PPME1: variants seen among roughly 807,000 people sequenced by gnomAD.
The protein encoded by PPME1 is protein phosphatase methylesterase 1.
PPME1 carries 17 observed loss-of-function variants against 56.9 expected under a neutral mutation model. The observed-to-expected ratio is 0.30, with a 90% CI of 0.20 to 0.45. The LOEUF is 0.45. PPME1 is among the 20% of genes least tolerant of loss of function. PPME1 has a pLI of 1.00. For missense variants in PPME1, 357 were observed against 483.2 expected, an observed-to-expected ratio of 0.74 and a Z score of 2.45; for synonymous variants, 122 against 156.2, an observed-to-expected ratio of 0.78 and a Z score of 1.63.
intron 9 of PPME1, among the ~76,000 whole-genome samples, chr11:74,239,655 C>T (rs765100985): frequency 7.3e-5 from 11 of 150,838 alleles, no homozygotes; most frequent in Non-Finnish European, 1.6e-4. Context: ...CGGCTCACTG[C>T]AAGCTCCGCC....
At chr11:74,242,627 T>C (rs1565395442) in intron 9 of PPME1, among the ~76,000 whole-genome samples, 1 of 152,098 alleles carries the variant, frequency 6.6e-6, no homozygotes, top group African/African-American at 2.4e-5. Context: ...ATGTCTGTAA[T>C]CTCAGCGCTT....
chr11:74,181,969 C>T (rs982528050), intron 1 of PPME1, among the ~76,000 whole-genome samples: 2 of 152,224 alleles, frequency 1.3e-5, no homozygotes, highest in Admixed American at 6.5e-5. Context: ...AGTCTCTCTT[C>T]TCCCCCTGCC....
At chr11:74,238,998 A>G (rs1055732255) in intron 8 of PPME1, 135 bp from the exon 9 acceptor site, 8 of 898,818 alleles carry the variant, frequency 8.9e-6, no homozygotes, top group Middle Eastern at 3.5e-4. Flanking sequence ...GAAATGCACA[A>G]TTCTATCCTC....
intron 3 of PPME1, among the ~76,000 whole-genome samples, chr11:74,219,025 A>G (rs576599617): frequency 6.6e-6 from 1 of 152,304 alleles, no homozygotes; most frequent in African/African-American, 2.4e-5. Context: ...AAGGAGCTCA[A>G]CAACTCTATA....
rs1227858083 is a variant in PPME1 at position 74,197,061 on chromosome 11, T to C, written c.102-6667T>C. ...TCAAATGCCTCTGACAAATTGACTATAAATACTAGTTTATTTCTGGACTTT... is the reference window on the plus strand; with the variant it reads ...TCAAATGCCTCTGACAAATTGACTACAAATACTAGTTTATTTCTGGACTTT... On this transcript the variant is annotated intron_variant, in intron 1 of 13. Transcript: ENST00000328257. Among the ~76,000 whole-genome samples the C allele has an allele frequency of 2.0e-5, 3 of 152,360 alleles. No homozygotes were observed. In the East Asian group the frequency reaches 5.8e-4, roughly 29 times the overall value.
intron 1 of PPME1, among the ~76,000 whole-genome samples, chr11:74,183,125 C>T (rs1352994824): frequency 6.6e-6 from 1 of 151,668 alleles, no homozygotes; most frequent in Non-Finnish European, 1.5e-5. Context: ...AGTGAGACCA[C>T]ATCGCTACAA....
intron 3 of PPME1, among the ~76,000 whole-genome samples, chr11:74,216,715 T>C (rs1264383008): frequency 2.6e-5 from 4 of 151,934 alleles, no homozygotes; most frequent in Non-Finnish European, 4.4e-5. Flanking sequence ...TTTTGAAACA[T>C]GAAATTGGCA....
intron 1 of PPME1, among the ~76,000 whole-genome samples, chr11:74,189,129 C>T (rs937453876): frequency 6.6e-6 from 1 of 152,172 alleles, no homozygotes; most frequent in African/African-American, 2.4e-5. Context: ...TTGGCTCACA[C>T]CTGTAATTCC....
At chr11:74,202,536 A>T (rs1399461932) in intron 1 of PPME1, among the ~76,000 whole-genome samples, 1 of 152,204 alleles carries the variant, frequency 6.6e-6, no homozygotes, top group Non-Finnish European at 1.5e-5. Flanking sequence ...CATACTTTGT[A>T]GATATTCTCC....
intron 4 of PPME1, among the ~76,000 whole-genome samples, chr11:74,224,654 C>A (rs1422127687): frequency 7.0e-6 from 1 of 142,584 alleles, no homozygotes; most frequent in African/African-American, 2.8e-5. Flanking sequence ...TGAAGAGGTC[C>A]TTCACATCCC....
intron 1 of PPME1, among the ~76,000 whole-genome samples, chr11:74,177,106 G>C (rs1264641671): frequency 6.6e-6 from 1 of 151,842 alleles, no homozygotes; most frequent in African/African-American, 2.4e-5. Flanking sequence ...CTATCTAGTT[G>C]TTTTCATCAT....
At position 74,204,415 on chromosome 11, in the gene PPME1, T is replaced by A. The variant is rs1314903344; in HGVS notation, c.258T>A (p.Gly86=). The change falls in exon 3 of 14, where the codon GGT becomes GGA. Residue 86 remains glycine (G), a synonymous_variant. Transcript: ENST00000328257. ...GPVLLLLHGG[G]HSALSWAVFT... The stretch of plus-strand genomic sequence containing the variant: ...TCCTGCTCCTTCTGCATGGAGGAGG[T>A]CATTCTGCCCTTTCTTGGGCTGTGT... The A allele has an allele frequency of 6.8e-6, 11 of 1,613,308 alleles. No homozygotes were observed. The highest frequency in any genetic ancestry group is 9.3e-6 in the Non-Finnish European group (11 of 1,179,476).
intron 1 of PPME1, among the ~76,000 whole-genome samples, chr11:74,201,978 T>C (rs886372070): frequency 6.6e-6 from 1 of 152,236 alleles, no homozygotes; most frequent in African/African-American, 2.4e-5. Flanking sequence ...AGGTCGAGGC[T>C]GAAGTTGCTG....
At chr11:74,206,814 C>T (rs77316965) in intron 3 of PPME1, among the ~76,000 whole-genome samples, 5,587 of 151,388 alleles carry the variant, frequency 0.037, 211 homozygotes, top group African/African-American at 0.1. Context: ...CAGTCTTCCT[C>T]CCTCAGCCTT....
chr11:74,239,070 ATC>A, intron 8 of PPME1, 61 bp from the exon 9 acceptor site: 3 of 1,477,912 alleles, frequency 2.0e-6, no homozygotes, highest in Non-Finnish European at 2.8e-6. Context: ...AAGTATGAGT[ATC>A]TCTGAGATAA....
chr11:74,237,042 T>C (rs1003923384), intron 8 of PPME1, among the ~76,000 whole-genome samples: 1 of 149,608 alleles, frequency 6.7e-6, no homozygotes, highest in Non-Finnish European at 1.5e-5. Context: ...CTCTTTTTTT[T>C]GATTCCTTGC....
At chr11:74,248,483 A>T (rs1156889610) in intron 11 of PPME1, 2 of 152,154 alleles carry the variant, frequency 1.3e-5, no homozygotes, top group Non-Finnish European at 2.9e-5. Context: ...TTCTCTCATA[A>T]TAGTTGTTCA....
chr11:74,238,348 T>C (rs1859250704), intron 8 of PPME1: 1 of 152,190 alleles, frequency 6.6e-6, no homozygotes, highest in African/African-American at 2.4e-5. Flanking sequence ...CTTTTGAATT[T>C]ATCCCAGTCT....
At chr11:74,199,683 C>T (rs977291737) in intron 1 of PPME1, among the ~76,000 whole-genome samples, 6 of 152,094 alleles carry the variant, frequency 3.9e-5, no homozygotes, top group Admixed American at 1.3e-4. Flanking sequence ...GTCTGTTTTA[C>T]GCTACTGATA....
Sources: gnomAD v4.1 joint callset for allele counts (sites outside exome capture counted in the v4.1 genomes callset) on GRCh38, gnomAD v4.1.1 for gene constraint, MANE v1.5 for transcripts, NCBI Gene and HGNC (gene_info 2026-07-23, HGNC 2026-07-21) for gene names.